Variants in SLCO1B1 observed in about 807,000 individuals in gnomAD.
SLCO1B1 encodes OATP-2.
SLCO1B1 carries 81 observed loss-of-function variants against 70.1 expected under a neutral mutation model. The ratio of observed to expected loss-of-function variants is 1.16; its 90% confidence interval spans 0.97 to 1.39. The LOEUF (loss-of-function observed/expected upper bound fraction) is 1.39. Ranked by LOEUF, SLCO1B1 falls within the 40% of genes most tolerant of loss-of-function variation. The probability of loss-of-function intolerance (pLI) is 0.00; values close to 1 mark genes in which losing one functional copy is unlikely to be tolerated. For missense variants in SLCO1B1, 895 were observed against 799.6 expected, an observed-to-expected ratio of 1.12 and a Z score of -1.44; for synonymous variants, 283 against 271.5, an observed-to-expected ratio of 1.04 and a Z score of -0.42.
intron 2 of SLCO1B1, among the ~76,000 whole-genome samples, chr12:21,166,502 G>T (rs1290578222): frequency 1.3e-5 from 2 of 152,086 alleles, no homozygotes; most frequent in African/African-American, 4.8e-5. Flanking sequence ...CCTCACTGAA[G>T]AAGATATAGA....
At chr12:21,223,899 A>C (rs776346291) in intron 13 of SLCO1B1, among the ~76,000 whole-genome samples, 4 of 152,154 alleles carry the variant, frequency 2.6e-5, no homozygotes, top group Non-Finnish European at 4.4e-5. Flanking sequence ...GCAGATGGAC[A>C]CTTATTATAT....
intron 2 of SLCO1B1, among the ~76,000 whole-genome samples, chr12:21,167,609 C>G (rs941284009): frequency 6.6e-6 from 1 of 151,980 alleles, no homozygotes; most frequent in Admixed American, 6.6e-5. Flanking sequence ...TTAAATGTAC[C>G]TTTTCAACCA....
intron 14 of SLCO1B1, among the ~76,000 whole-genome samples, chr12:21,236,064 T>C (rs1300262623): frequency 2.6e-5 from 4 of 152,146 alleles, no homozygotes; most frequent in Non-Finnish European, 5.9e-5. Flanking sequence ...TCTCATACTA[T>C]AGTATGTTTT....
chr12:21,224,862 C>T, intron 14 of SLCO1B1, 23 bp downstream of exon 14: 1 of 1,287,104 alleles, frequency 7.8e-7, no homozygotes, highest in Non-Finnish European at 1.1e-6. Flanking sequence ...AAATATATTT[C>T]ATTATTTTTT....
intron 2 of SLCO1B1, among the ~76,000 whole-genome samples, chr12:21,161,993 G>T (rs1403161599): frequency 6.6e-6 from 1 of 151,910 alleles, no homozygotes; most frequent in Non-Finnish European, 1.5e-5. Context: ...GGGTGACAAA[G>T]TGAGACTCTG....
At chr12:21,199,627 T>G (rs1941132900) in intron 8 of SLCO1B1, among the ~76,000 whole-genome samples, 1 of 152,142 alleles carries the variant, frequency 6.6e-6, no homozygotes, top group Non-Finnish European at 1.5e-5. Context: ...TCTTTAAGAA[T>G]TTTGAACCTC....
intron 4 of SLCO1B1, among the ~76,000 whole-genome samples, chr12:21,175,995 A>G (rs112250844): frequency 1.8e-4 from 28 of 152,042 alleles, no homozygotes; most frequent in African/African-American, 6.3e-4. Flanking sequence ...CTACCCTTCT[A>G]TTCATCTTCC....
At chr12:21,158,625 CA>C (rs1940573062) in intron 2 of SLCO1B1, among the ~76,000 whole-genome samples, 1 of 151,866 alleles carries the variant, frequency 6.6e-6, no homozygotes, top group Non-Finnish European at 1.5e-5. Context: ...ACCCAGGAGG[CA>C]GAGGTTGCAG....
intron 11 of SLCO1B1, among the ~76,000 whole-genome samples, chr12:21,208,468 A>G (rs974395819): frequency 6.6e-6 from 1 of 151,912 alleles, no homozygotes; most frequent in South Asian, 2.1e-4. Flanking sequence ...TGGGTTCTCT[A>G]TTCTGTTCCT....
intron 1 of SLCO1B1, among the ~76,000 whole-genome samples, chr12:21,136,353 A>G (rs1429670122): frequency 2.6e-5 from 4 of 151,984 alleles, no homozygotes; most frequent in Non-Finnish European, 5.9e-5. Flanking sequence ...CGTACTCTGT[A>G]TTTCCTGAAT....
intron 2 of SLCO1B1, among the ~76,000 whole-genome samples, chr12:21,142,740 T>C (rs1940329067): frequency 6.6e-6 from 1 of 152,090 alleles, no homozygotes; most frequent in Admixed American, 6.6e-5. Flanking sequence ...ATTCTAAGGA[T>C]AATATAATGT....
At chr12:21,181,050 G>C (rs1940889928) in intron 7 of SLCO1B1, among the ~76,000 whole-genome samples, 1 of 152,142 alleles carries the variant, frequency 6.6e-6, no homozygotes, top group South Asian at 2.1e-4. Flanking sequence ...CAGGAATTTA[G>C]GGTGTGATGG....
At chr12:21,223,593 T>C (rs955995345) in intron 13 of SLCO1B1, among the ~76,000 whole-genome samples, 8 of 152,192 alleles carry the variant, frequency 5.3e-5, no homozygotes, top group African/African-American at 1.4e-4. Context: ...CTCAGATACA[T>C]TGGCCTCAGT....
intron 7 of SLCO1B1, among the ~76,000 whole-genome samples, chr12:21,193,852 G>A (rs1340293722): frequency 1.3e-5 from 2 of 152,002 alleles, no homozygotes; most frequent in South Asian, 2.1e-4. Flanking sequence ...GTGCAGTGGT[G>A]CGATCTCGGC....
chr12:21,211,106 G>C (rs1941278424), intron 11 of SLCO1B1, among the ~76,000 whole-genome samples: 1 of 152,182 alleles, frequency 6.6e-6, no homozygotes, highest in Non-Finnish European at 1.5e-5. Context: ...TGTTGAATAG[G>C]AGTGGTGAGA....
At chr12:21,201,322 G>A (rs1233180193) in intron 9 of SLCO1B1, among the ~76,000 whole-genome samples, 1 of 152,074 alleles carries the variant, frequency 6.6e-6, no homozygotes, top group Non-Finnish European at 1.5e-5. Flanking sequence ...GAAAATGAAT[G>A]TACTGAAGCA....
intron 2 of SLCO1B1, among the ~76,000 whole-genome samples, chr12:21,157,071 C>T (rs1940552966): frequency 6.6e-6 from 1 of 152,020 alleles, no homozygotes; most frequent in African/African-American, 2.4e-5. Context: ...AATAAGTAAG[C>T]TAAATATTCT....
intron 7 of SLCO1B1, among the ~76,000 whole-genome samples, chr12:21,193,802 T>C (rs2127303): frequency 0.49 from 73,947 of 151,784 alleles, 18,902 homozygotes; most frequent in Non-Finnish European, 0.57. Context: ...TCTTTTTTTT[T>C]ATTTTGGAGA....
intron 10 of SLCO1B1, among the ~76,000 whole-genome samples, chr12:21,203,462 G>A (rs1282667713): frequency 6.6e-6 from 1 of 152,084 alleles, no homozygotes; most frequent in East Asian, 1.9e-4. Flanking sequence ...CAAGCAACAA[G>A]CAGAGATGCT....
Sources: gnomAD v4.1 joint callset for allele counts (sites outside exome capture counted in the v4.1 genomes callset) on GRCh38, gnomAD v4.1.1 for gene constraint, MANE v1.5 for transcripts, NCBI Gene and HGNC (gene_info 2026-07-23, HGNC 2026-07-21) for gene names.